Variants in RDX observed in about 807,000 individuals in gnomAD.
RDX encodes the protein deafness, autosomal recessive 24.
RDX carries 32 observed loss-of-function variants against 83.7 expected under a neutral mutation model. The observed-to-expected ratio is 0.38, with a 90% confidence interval of 0.29 to 0.51. The LOEUF is 0.51. Among genes scored for constraint, RDX ranks in the 20% least tolerant of loss-of-function variants. The probability of loss-of-function intolerance (pLI) is 0.87; values close to 1 mark genes in which losing one functional copy is unlikely to be tolerated. For missense variants in RDX, 600 were observed against 689.9 expected (o/e 0.87, Z 1.46); for synonymous variants, 229 against 222.7 (o/e 1.03, Z -0.25).
intron 7 of RDX, among the ~76,000 whole-genome samples, chr11:110,257,465 C>T (rs1287249774): frequency 6.6e-6 from 1 of 151,982 alleles, no homozygotes; most frequent in Non-Finnish European, 1.5e-5. Flanking sequence ...TCTCACCTAT[C>T]GAGGGAGCAA....
chr11:110,274,984 T>C (rs892411610), intron 2 of RDX, among the ~76,000 whole-genome samples: 1 of 152,224 alleles, frequency 6.6e-6, no homozygotes, highest in African/African-American at 2.4e-5. Context: ...TAATGCTGAA[T>C]TGTACAATGT....
At chr11:110,241,899 C>T (rs1190884727) in intron 10 of RDX, among the ~76,000 whole-genome samples, 3 of 152,028 alleles carry the variant, frequency 2.0e-5, no homozygotes, top group African/African-American at 4.8e-5. Flanking sequence ...ACCTTGAGGG[C>T]ATTATGTTAA....
intron 3 of RDX, among the ~76,000 whole-genome samples, chr11:110,270,843 T>C (rs558023060): frequency 2.0e-5 from 3 of 152,338 alleles, no homozygotes; most frequent in African/African-American, 7.2e-5. Flanking sequence ...ACTTGCTGAT[T>C]AGTTTTTGGC....
downstream of RDX, among the ~76,000 whole-genome samples, chr11:110,224,646 A>T (rs1167722481): frequency 6.6e-6 from 1 of 152,252 alleles, no homozygotes; most frequent in Non-Finnish European, 1.5e-5. Flanking sequence ...AGTCATGGAT[A>T]AAAGAAAAGA....
intron 15 of RDX, among the ~76,000 whole-genome samples, chr11:110,183,532 C>CA (rs1290147843): frequency 3.3e-5 from 5 of 152,234 alleles, no homozygotes; most frequent in African/African-American, 1.2e-4. Flanking sequence ...CTATGATGCT[C>CA]AGACAGGTCC....
At chr11:110,201,195 A>G (rs928648086) in intron 14 of RDX, among the ~76,000 whole-genome samples, 3 of 151,600 alleles carry the variant, frequency 2.0e-5, no homozygotes, top group Admixed American at 6.6e-5. Context: ...AAAAAAAAAA[A>G]AAAGAAATGT....
At chr11:110,203,539 T>G (rs1863492135) in intron 14 of RDX, among the ~76,000 whole-genome samples, 1 of 152,042 alleles carries the variant, frequency 6.6e-6, no homozygotes, top group Admixed American at 6.6e-5. Flanking sequence ...ATTAGATTAT[T>G]TGTAACACAA....
At chr11:110,257,534 A>G (rs1210520341) in intron 7 of RDX, among the ~76,000 whole-genome samples, 2 of 152,194 alleles carry the variant, frequency 1.3e-5, no homozygotes, top group Non-Finnish European at 2.9e-5. Context: ...AATTCAAATA[A>G]AAGTCAATCA....
chr11:110,272,708 G>A lies in RDX; in HGVS notation c.13-89C>T, dbSNP rs905234472. ...TGATTTTCTTTATTAAAGTGATAAA[G>A]TTTTATTTTAATCACAAGAAATCTT... On this transcript the variant is annotated intron_variant, in intron 2 of 13. Coordinates refer to ENST00000645495, the MANE Select transcript of RDX (RefSeq NM_002906.4). The A allele has an allele frequency of 1.0e-5, 9 of 878,426 alleles. No individual in the cohort carries two copies. The South Asian group carries it at 1.3e-4, about 13-fold the overall frequency. The allele number at this position is 878,426 out of a possible 1,614,324, so 54.4% of individuals were successfully genotyped here. A position where few individuals can be genotyped will look rare whatever the true frequency, so the allele number is the denominator to read the frequency against.
At chr11:110,201,903 TTGTGTG>T (rs141731309) in intron 14 of RDX, among the ~76,000 whole-genome samples, 2,572 of 137,190 alleles carry the variant, frequency 0.019, 31 homozygotes, top group Middle Eastern at 0.044. Flanking sequence ...CCGGCTAATT[TTGTGTG>T]TGTGTGTGTG....
At chr11:110,229,022 T>C (rs945350641), downstream of RDX, among the ~76,000 whole-genome samples, 7 of 151,986 alleles carry the variant, frequency 4.6e-5, no homozygotes, top group African/African-American at 9.7e-5. Flanking sequence ...TCTAGATTTA[T>C]AGTAACTGTT....
chr11:110,219,697 C>T (rs569849999), intron 14 of RDX, among the ~76,000 whole-genome samples: 1 of 151,982 alleles, frequency 6.6e-6, no homozygotes, highest in Non-Finnish European at 1.5e-5. Context: ...AAGGGACTTA[C>T]CATTCATCAA....
In RDX at chr11:110,229,561, T is replaced by C. The variant is rs1041491297; in HGVS notation, c.*2308A>G. 8 of 152,448 alleles carry C rather than the reference T, an allele frequency of 5.2e-5. No homozygotes were observed. The highest frequency in any genetic ancestry group is 9.7e-5 in the African/African-American group (4 of 41,434). 9.4% of individuals were successfully genotyped at this position (152,448 alleles called of 1,614,324 possible). Reference sequence around the variant, plus strand: ...TGCTAATGGTAAAAGCCTACTGGGATTTACCAAATACTCATTAGTGTATTT... The same window carrying C: ...TGCTAATGGTAAAAGCCTACTGGGACTTACCAAATACTCATTAGTGTATTT... On this transcript the variant is annotated 3_prime_UTR_variant, in exon 14 of 14. Transcript: ENST00000645495.
At chr11:110,246,351 C>T (rs1019689022) in intron 10 of RDX, among the ~76,000 whole-genome samples, 6 of 152,190 alleles carry the variant, frequency 3.9e-5, no homozygotes, top group Non-Finnish European at 7.3e-5. Context: ...GAGTACGTCT[C>T]CACCACAGCA....
At position 110,204,453 on chromosome 11, in the gene RDX, C is replaced by G. The variant is rs1207623723; in HGVS notation, c.1749-4775G>C. On this transcript the variant is annotated intron_variant, in intron 14 of 15. Coordinates refer to the RDX transcript ENST00000528498. ...ACTTGGTGGAAAGACACTGCATATT[C>G]ATGATTAGGAATGCTTAATATTGTA... is the stretch of plus-strand genomic sequence containing the variant. Among the ~76,000 whole-genome samples the G allele has an allele frequency of 5.3e-5, 8 of 149,944 alleles. No homozygotes were observed. The South Asian group carries it at 1.7e-3, about 31-fold the overall frequency.
At chr11:110,206,431 G>A (rs1863606664) in intron 14 of RDX, among the ~76,000 whole-genome samples, 1 of 151,510 alleles carries the variant, frequency 6.6e-6, no homozygotes, top group South Asian at 2.1e-4. Flanking sequence ...ACTTCATCAC[G>A]AATTACAAAA....
At chr11:110,269,989 C>T (rs934683619) in intron 3 of RDX, among the ~76,000 whole-genome samples, 1 of 152,084 alleles carries the variant, frequency 6.6e-6, no homozygotes, top group Non-Finnish European at 1.5e-5. Flanking sequence ...TTACAGTGAG[C>T]CGAGATCGCA....
intron 10 of RDX, among the ~76,000 whole-genome samples, chr11:110,247,383 CAT>C (rs759577990): frequency 2.6e-5 from 4 of 151,962 alleles, no homozygotes; most frequent in Non-Finnish European, 4.4e-5. Context: ...TAATGTATTG[CAT>C]ATGTGTTTTT....
At chr11:110,269,136 TAG>T (rs1264959156) in intron 3 of RDX, among the ~76,000 whole-genome samples, 1 of 152,054 alleles carries the variant, frequency 6.6e-6, no homozygotes, top group African/African-American at 2.4e-5. Context: ...GCATTTTTAG[TAG>T]AGACAGTTTT....
Sources: gnomAD v4.1 joint callset for allele counts (sites outside exome capture counted in the v4.1 genomes callset) on GRCh38, gnomAD v4.1.1 for gene constraint, MANE v1.5 for transcripts, NCBI Gene and HGNC (gene_info 2026-07-23, HGNC 2026-07-21) for gene names.